The following DLGAP1 variants were observed in gnomAD, a reference collection of about 807,000 sequenced individuals.
DLGAP1 encodes DLG associated protein 1, also known as disks large-associated protein 1.
DLGAP1 carries 11 observed loss-of-function variants against 90.8 expected under a neutral mutation model. The observed-to-expected ratio is 0.12, with a 90% CI of 0.08 to 0.20. The LOEUF (loss-of-function observed/expected upper bound fraction) is 0.20. Among genes scored for constraint, DLGAP1 ranks in the 10% least tolerant of loss-of-function variants. The probability of loss-of-function intolerance (pLI) is 1.00; values close to 1 mark genes in which losing one functional copy is unlikely to be tolerated. For missense variants in DLGAP1, 1,050 were observed against 1,333.8 expected (o/e 0.79, Z 3.31); for synonymous variants, 558 against 540.7 (o/e 1.03, Z -0.44).
chr18:3,736,246 C>A (rs1335368952), intron 6 of DLGAP1, among the ~76,000 whole-genome samples: 1 of 152,136 alleles, frequency 6.6e-6, no homozygotes, highest in Non-Finnish European at 1.5e-5. Flanking sequence ...AAATATTGGA[C>A]TTTCTATAAA....
chr18:3,935,076 A>G (rs894895995), intron 3 of DLGAP1, among the ~76,000 whole-genome samples: 1 of 152,246 alleles, frequency 6.6e-6, no homozygotes, highest in East Asian at 1.9e-4. Flanking sequence ...AAAAGAATAC[A>G]TACTGGCCTG....
intron 6 of DLGAP1, among the ~76,000 whole-genome samples, chr18:3,738,258 G>C (rs1375319005): frequency 1.4e-5 from 2 of 147,484 alleles, no homozygotes; most frequent in African/African-American, 2.6e-5. Flanking sequence ...TTTCTTCACA[G>C]AATTGGAAAA....
rs561435726 is a variant in DLGAP1, at chr18:3,964,262, G to A, written c.-73+40854C>T. On this transcript the variant is annotated intron_variant, in intron 3 of 12. Transcript: ENST00000315677. ...CTTTGGCAGAATTTATGTGATTTAG[G>A]GATCTATTTATCATTAGTGGAAAGG... Among the ~76,000 whole-genome samples, 148 of 152,240 alleles carry A rather than the reference G, an allele frequency of 9.7e-4. 1 individual carries two copies. Among genetic ancestry groups the A allele is most frequent in the African/African-American group, 3.5e-3 (146 of 41,544 alleles).
intron 3 of DLGAP1, chr18:3,894,732 A>G (rs560187414): frequency 6.6e-6 from 1 of 152,134 alleles, no homozygotes; most frequent in African/African-American, 2.4e-5. Context: ...TTTGCATGTC[A>G]TCCTTGTGCA....
In DLGAP1 at chr18:3,803,957, C is replaced by CATAT. The variant is rs33952757; in HGVS notation, c.1172+10098_1172+10101dup. Among the ~76,000 whole-genome samples the CATAT allele has an allele frequency of 8.7e-3, 724 of 83,682 alleles. 7 individuals are homozygous for CATAT. Among genetic ancestry groups the CATAT allele is most frequent in the Non-Finnish European group, 0.011 (446 of 40,458 alleles). 54.9% of individuals were successfully genotyped at this position (83,682 alleles called of 152,430 possible). The stretch of plus-strand genomic sequence containing the variant: ...TTCTCTTCATTGGTTTATGTAGGTT[C>CATAT]ATATATATATATATATATATATATA... On this transcript the variant is annotated intron_variant, in intron 5 of 12. Transcript: ENST00000315677.
chr18:3,897,594 T>C (rs988420567), intron 3 of DLGAP1, among the ~76,000 whole-genome samples: 58 of 152,308 alleles, frequency 3.8e-4, no homozygotes, highest in African/African-American at 1.3e-3. Context: ...TCTTAGGTGA[T>C]GACATATTAA....
chr18:4,293,080 TC>T (rs2079890460), intron 1 of DLGAP1: 2 of 152,232 alleles, frequency 1.3e-5, no homozygotes, highest in African/African-American at 4.8e-5. Context: ...CAGTGGAAGT[TC>T]AAGGAGCTGT....
At chr18:4,202,951 C>G (rs1343892693) in intron 1 of DLGAP1, among the ~76,000 whole-genome samples, 3 of 152,138 alleles carry the variant, frequency 2.0e-5, no homozygotes, top group African/African-American at 7.2e-5. Flanking sequence ...GATTTTCTCT[C>G]TGAATTAGTC....
intron 11 of DLGAP1, among the ~76,000 whole-genome samples, chr18:3,503,426 C>T (rs1280207405): frequency 6.6e-6 from 1 of 152,178 alleles, no homozygotes; most frequent in Non-Finnish European, 1.5e-5. Flanking sequence ...GATACCAGAA[C>T]ATATAAACCT....
chr18:4,428,508 G>A (rs545740052), intron 1 of DLGAP1, among the ~76,000 whole-genome samples: 25 of 152,048 alleles, frequency 1.6e-4, no homozygotes, highest in African/African-American at 5.8e-4. Flanking sequence ...CTTGAACCTG[G>A]GAGGCGAAGG....
chr18:4,161,176 C>A (rs1405917062), intron 1 of DLGAP1, among the ~76,000 whole-genome samples: 1 of 151,960 alleles, frequency 6.6e-6, no homozygotes, highest in Admixed American at 6.6e-5. Flanking sequence ...CAGATCAACC[C>A]ACTACCTAGG....
At chr18:3,940,034 C>G (rs1033267842) in intron 3 of DLGAP1, among the ~76,000 whole-genome samples, 3 of 152,168 alleles carry the variant, frequency 2.0e-5, no homozygotes, top group Admixed American at 1.3e-4. Flanking sequence ...ACAGAAATGA[C>G]AATGTGTGAC....
intron 3 of DLGAP1, among the ~76,000 whole-genome samples, chr18:3,897,999 T>TTA (rs2071685521): frequency 6.6e-6 from 1 of 152,004 alleles, no homozygotes; most frequent in Non-Finnish European, 1.5e-5. Context: ...TTTCACCTTG[T>TTA]TAGCCAGGAT....
chr18:4,003,988 T>C (rs1262585071), intron 3 of DLGAP1, among the ~76,000 whole-genome samples: 2 of 152,236 alleles, frequency 1.3e-5, no homozygotes, highest in East Asian at 1.9e-4. Context: ...GACTATAATA[T>C]TCAGGATAAT....
chr18:3,720,099 ATAT>A (rs1884443061), intron 7 of DLGAP1, among the ~76,000 whole-genome samples: 1 of 152,190 alleles, frequency 6.6e-6, no homozygotes, highest in Non-Finnish European at 1.5e-5. Flanking sequence ...AAGTGTAATA[ATAT>A]TATGTACCCT....
chr18:3,929,159 T>C (rs895055383), intron 3 of DLGAP1, among the ~76,000 whole-genome samples: 7 of 152,190 alleles, frequency 4.6e-5, no homozygotes, highest in Non-Finnish European at 1.0e-4. Flanking sequence ...AGGTAGGTCT[T>C]TATATCAATG....
At chr18:3,580,363 G>A (rs954401041) in intron 8 of DLGAP1, 1 of 1,613,822 alleles carries the variant, frequency 6.2e-7, no homozygotes, top group African/African-American at 1.3e-5. Flanking sequence ...CAGACTCGGG[G>A]CTCGAATTTC....
intron 7 of DLGAP1, among the ~76,000 whole-genome samples, chr18:3,673,319 C>T (rs917355237): frequency 5.3e-5 from 8 of 152,164 alleles, no homozygotes; most frequent in African/African-American, 1.9e-4. Context: ...TCTATTATGG[C>T]CCTTACTGGA....
In DLGAP1 at chr18:4,454,192, A is replaced by C. The variant is rs2083908534; in HGVS notation, c.-267+814T>G. On this transcript the variant is annotated intron_variant, in intron 1 of 12. Coordinates refer to ENST00000315677, the MANE Select transcript of DLGAP1 (RefSeq NM_004746.4). The surrounding 1 kb of genome is among the most constrained non-coding windows in gnomAD (Gnocchi z 4.7). ...GTCTTCATCGCCGCGGGCCCTCCGA[A>C]GGTGCCTCTCCCAGCTGCAGCCGCC... is the stretch of plus-strand genomic sequence containing the variant. Among the ~76,000 whole-genome samples, 1 of 152,174 alleles carries C rather than the reference A, an allele frequency of 6.6e-6. No homozygotes were observed. Among genetic ancestry groups the C allele is most frequent in the South Asian group, 2.1e-4 (1 of 4,828 alleles).
Sources: allele counts gnomAD v4.1 joint callset (sites outside exome capture counted in the v4.1 genomes callset), GRCh38; gene constraint gnomAD v4.1.1; non-coding constraint Gnocchi (gnomAD v3.1); transcripts MANE v1.5; gene names NCBI Gene and HGNC (gene_info 2026-07-23, HGNC 2026-07-21).